The following DOP1A variants were observed in gnomAD, a reference collection of about 807,000 sequenced individuals.
DOP1A encodes protein DOP1A.
Under a neutral mutation model 267.6 loss-of-function variants are expected in DOP1A, and 90 were observed. That is an observed-to-expected ratio of 0.34 (90% CI 0.28 to 0.40). The LOEUF (loss-of-function observed/expected upper bound fraction) is 0.40, where lower values mean the gene tolerates loss of function less well. Ranked by LOEUF, DOP1A falls within the 10% of genes least tolerant of loss-of-function variation. The pLI, the probability that DOP1A is intolerant of heterozygous loss-of-function variation, is 1.00. For missense variants in DOP1A, 2,437 were observed against 2,900.4 expected, an observed-to-expected ratio of 0.84 and a Z score of 3.67; for synonymous variants, 932 against 999.1, an observed-to-expected ratio of 0.93 and a Z score of 1.27.
At chr6:83,150,226 T>C (rs6919763) in intron 27 of DOP1A, among the ~76,000 whole-genome samples, 7,569 of 152,174 alleles carry the variant, frequency 0.05, 351 homozygotes, top group African/African-American at 0.11. Flanking sequence ...ATTTAAAAAT[T>C]AGCCAGGCAT....
rs777755280 is a variant in DOP1A at position 83,123,021 on chromosome 6, T to C, written c.1340+39T>C. 5.1e-6 allele frequency: 8 copies of C among 1,563,738 alleles called. No individual in the cohort carries two copies. In the Admixed American group the frequency reaches 1.5e-4, roughly 29 times the overall value. ...TCATTCCTTTTAATTTCGTAACATC[T>C]AAAGCTAACCTTTGGGTTTTTTTTA... On this transcript the variant is annotated intron_variant, in intron 12 of 38. Transcript: ENST00000349129.
chr6:83,067,928 G>T (rs1318984567), intron 1 of DOP1A, 149 bp downstream of exon 1: 1 of 152,708 alleles, frequency 6.5e-6, no homozygotes, highest in Non-Finnish European at 1.5e-5. Flanking sequence ...GCCCCGCCAG[G>T]AGCTGCGAAG....
At chr6:83,165,272 T>C (rs1398686555) in intron 38 of DOP1A, 2 of 152,536 alleles carry the variant, frequency 1.3e-5, no homozygotes, top group African/African-American at 4.8e-5. Flanking sequence ...GTTTTATATA[T>C]CCTGTAATCT....
At chr6:83,083,631 C>T (rs998968964) in intron 1 of DOP1A, among the ~76,000 whole-genome samples, 1 of 152,038 alleles carries the variant, frequency 6.6e-6, no homozygotes, top group African/African-American at 2.4e-5. Flanking sequence ...TAGTATAGTG[C>T]CTGGCACAGA....
chr6:83,096,958 T>C lies in DOP1A; in HGVS notation c.-20T>C, dbSNP rs947530637. On this transcript the variant is annotated 5_prime_UTR_variant, in exon 3 of 39. The change abolishes the stop of an existing upstream ORF in the 5' untranslated region. Transcript: ENST00000349129. The stretch of plus-strand genomic sequence containing the variant: ...TTTACATGAGTTTGGAACTGGTCTC[T>C]AGTGGGAAGTTGTGGGAGGATGAAC... 2 of 1,612,850 alleles carry C rather than the reference T, an allele frequency of 1.2e-6. No homozygotes were observed. Among genetic ancestry groups the C allele is most frequent in the Non-Finnish European group, 1.7e-6 (2 of 1,179,394 alleles).
intron 23 of DOP1A, 148 bp downstream of exon 23, chr6:83,140,551 T>G (rs1363032578): frequency 7.3e-6 from 5 of 680,924 alleles, no homozygotes; most frequent in Non-Finnish European, 1.2e-5. Context: ...GGGCTATGGC[T>G]GACGTATCAT....
At chr6:83,137,022 C>T in intron 20 of DOP1A, 151 bp from the exon 21 acceptor site, 1 of 777,704 alleles carries the variant, frequency 1.3e-6, no homozygotes, top group Non-Finnish European at 1.9e-6. Flanking sequence ...ACAAAACTTT[C>T]ACCTGCAATA....
intron 1 of DOP1A, among the ~76,000 whole-genome samples, chr6:83,070,088 A>C (rs1230049392): frequency 6.6e-6 from 1 of 152,224 alleles, no homozygotes; most frequent in Non-Finnish European, 1.5e-5. Flanking sequence ...GTACACCACC[A>C]GTGTGGATAT....
intron 1 of DOP1A, among the ~76,000 whole-genome samples, chr6:83,074,822 A>G (rs899004823): frequency 2.0e-5 from 3 of 152,184 alleles, no homozygotes; most frequent in East Asian, 3.9e-4. Flanking sequence ...CATAATCCCA[A>G]CACTTTGGAA....
chr6:83,136,100 C>T (rs1028511960), intron 20 of DOP1A, among the ~76,000 whole-genome samples: 2 of 152,054 alleles, frequency 1.3e-5, no homozygotes, highest in Non-Finnish European at 2.9e-5. Context: ...TCTTTCAGGG[C>T]AGGAATCAGG....
At chr6:83,120,571 T>C (rs1776198635) in intron 9 of DOP1A, 112 bp from the exon 10 acceptor site, 4 of 739,298 alleles carry the variant, frequency 5.4e-6, no homozygotes, top group South Asian at 5.0e-5. Context: ...AGAAAAGCAA[T>C]AGTGGGTATA....
In DOP1A at chr6:83,118,889, C is replaced by T; in HGVS notation, c.782C>T (p.Ala261Val). The T allele has an allele frequency of 6.2e-7, 1 of 1,613,256 alleles. No homozygotes were observed. The highest frequency in any genetic ancestry group is 8.5e-7 in the Non-Finnish European group (1 of 1,179,434). Residue 261 changes from alanine to valine, a missense_variant and splice_region_variant, in exon 8 of 39, where the codon GCC becomes GTC. Transcript: ENST00000349129. Reference sequence around the variant, plus strand: ...CAACCATATTCCTAACTCTTTCAGGCCACTCGACCGGATATGATCAGGATC... The same window carrying T: ...CAACCATATTCCTAACTCTTTCAGGTCACTCGACCGGATATGATCAGGATC... ...LFCFPFHMSQ[A>V]TRPDMIRILS...
chr6:83,169,455 G>A, downstream of DOP1A: 1 of 1,076,286 alleles, frequency 9.3e-7, no homozygotes. Flanking sequence ...AAATTCTAAT[G>A]AAAACCTTTT....
Position 83,139,144 on chromosome 6 carries a change from C to T in DOP1A, c.5102C>T (p.Thr1701Ile), listed in dbSNP as rs762650361. ...DNLIQQYKYETGLSDSRPLWM... is the reference protein window; with the variant it reads ...DNLIQQYKYEIGLSDSRPLWM... The stretch of plus-strand genomic sequence containing the variant: ...CTAATTCAGCAGTACAAATACGAAA[C>T]AGGATTATCTGATAGTAGGTAAGAG... The change falls in exon 21 of 39, where the codon ACA (threonine) becomes ATA (isoleucine). Residue 1701 changes from threonine to isoleucine, a missense_variant. Physicochemically the swap from Thr to Ile is moderately conservative, Grantham distance 89. Around this residue, in one of 9 missense-constraint regions of DOP1A, gnomAD observed 307 missense variants for 308.6 expected, o/e 0.99. Coordinates refer to ENST00000349129, the MANE Select transcript of DOP1A (RefSeq NM_015018.4). 40 of 1,611,840 alleles carry T rather than the reference C, an allele frequency of 2.5e-5. No homozygotes were observed. Among genetic ancestry groups the T allele is most frequent in the Non-Finnish European group, 3.4e-5 (40 of 1,178,506 alleles).
chr6:83,119,132 T>A, intron 8 of DOP1A, 145 bp downstream of exon 8: 1 of 637,614 alleles, frequency 1.6e-6, no homozygotes, highest in Non-Finnish European at 2.7e-6. Flanking sequence ...TAAACAGTAT[T>A]AGTTGTGTAT....
At chr6:83,126,356 C>G (rs895486316) in intron 15 of DOP1A, among the ~76,000 whole-genome samples, 1 of 151,942 alleles carries the variant, frequency 6.6e-6, no homozygotes, top group Non-Finnish European at 1.5e-5. Flanking sequence ...GGACTTGTAG[C>G]TAGGCTTTAA....
chr6:83,067,965 G>C (rs1411534546), intron 1 of DOP1A, among the ~76,000 whole-genome samples, 186 bp downstream of exon 1: 1 of 152,204 alleles, frequency 6.6e-6, no homozygotes, highest in Non-Finnish European at 1.5e-5. Flanking sequence ...TGGTTTACGG[G>C]GAGTCGGGAG....
chr6:83,079,343 A>G (rs1390519087), intron 1 of DOP1A, among the ~76,000 whole-genome samples: 3 of 152,104 alleles, frequency 2.0e-5, no homozygotes, highest in Non-Finnish European at 2.9e-5. Flanking sequence ...CTTTTGGAAC[A>G]GTCTTAATAA....
chr6:83,107,674 A>C (rs1241547988), intron 4 of DOP1A, among the ~76,000 whole-genome samples: 1 of 152,236 alleles, frequency 6.6e-6, no homozygotes, highest in Non-Finnish European at 1.5e-5. Flanking sequence ...GGCCTAACCT[A>C]GTCTAATTAG....
Sources: gnomAD v4.1 joint callset for allele counts (sites outside exome capture counted in the v4.1 genomes callset) on GRCh38, gnomAD v4.1.1 for gene constraint, gnomAD v4.1.1 regional missense constraint, MANE v1.5 for transcripts, NCBI Gene and HGNC (gene_info 2026-07-23, HGNC 2026-07-21) for gene names.